RYR2: variants seen among roughly 807,000 people sequenced by gnomAD.
RYR2 encodes the protein cardiac muscle ryanodine receptor-calcium release channel.
A neutral mutation model predicts 601.1 loss-of-function variants in RYR2; 227 were observed. The ratio of observed to expected loss-of-function variants is 0.38; its 90% confidence interval spans 0.34 to 0.42. The LOEUF (loss-of-function observed/expected upper bound fraction) is 0.42. Ranked by LOEUF, RYR2 falls within the 10% of genes least tolerant of loss-of-function variation. The pLI is 1.00. For missense variants in RYR2, 4,646 were observed against 6,156.5 expected (o/e 0.75, Z 8.21); for synonymous variants, 2,223 against 2,175.1 (o/e 1.02, Z -0.61).
intron 14 of RYR2, among the ~76,000 whole-genome samples, chr1:237,446,344 A>C (rs12035799): frequency 7.6e-4 from 116 of 152,134 alleles, no homozygotes; most frequent in African/African-American, 2.6e-3. Context: ...GATGGGGGAA[A>C]CTTTTTGTTG....
At chr1:237,830,662 C>T (rs2102947997) in intron 103 of RYR2, 32 bp downstream of exon 103, 2 of 1,093,756 alleles carry the variant, frequency 1.8e-6, no homozygotes, top group East Asian at 4.7e-5. Context: ...TCTTCCACCT[C>T]TCCAGTAGAC....
intron 17 of RYR2, among the ~76,000 whole-genome samples, chr1:237,472,847 G>A (rs926116525): frequency 5.3e-5 from 8 of 152,022 alleles, no homozygotes; most frequent in Non-Finnish European, 1.5e-5. Flanking sequence ...TTAGAGGAAA[G>A]AAAAAGAGTA....
intron 80 of RYR2, among the ~76,000 whole-genome samples, chr1:237,742,882 A>G (rs771340885): frequency 9.6e-4 from 146 of 152,220 alleles, no homozygotes; most frequent in Middle Eastern, 6.8e-3. Context: ...GTTTACAACT[A>G]TTTTCTCAAA....
intron 10 of RYR2, among the ~76,000 whole-genome samples, chr1:237,416,759 C>CAGAGAGAGAGAGAGAGAGAGAGAGAG (rs5781955): frequency 7.3e-4 from 101 of 138,986 alleles, no homozygotes; most frequent in African/African-American, 2.7e-3. Flanking sequence ...AACACACACA[C>CAGAGAGAGAGAGAGAGAGAGAGAGAG]ACACAGAGAG....
chr1:237,749,411 C>A (rs1378938477), intron 80 of RYR2, among the ~76,000 whole-genome samples: 1 of 150,728 alleles, frequency 6.6e-6, no homozygotes, highest in Non-Finnish European at 1.5e-5. Flanking sequence ...TTGACTATCA[C>A]ATAACCATCT....
chr1:237,791,824 A>G (rs1658406838), intron 93 of RYR2: 1 of 570,948 alleles, frequency 1.8e-6, no homozygotes, highest in South Asian at 2.3e-5. Flanking sequence ...ATTATATTAC[A>G]TTCTTTTGTA....
intron 1 of RYR2, among the ~76,000 whole-genome samples, chr1:237,224,598 C>A (rs1684157666): frequency 6.6e-6 from 1 of 152,060 alleles, no homozygotes; most frequent in Non-Finnish European, 1.5e-5. Flanking sequence ...TGGCTCATAC[C>A]TATAATCTCA....
intron 16 of RYR2, among the ~76,000 whole-genome samples, chr1:237,464,170 C>T (rs1453739885): frequency 3.3e-5 from 5 of 152,126 alleles, no homozygotes; most frequent in Admixed American, 1.3e-4. Context: ...AAGATTTGCT[C>T]ATCTTGCTCC....
intron 102 of RYR2, 29 bp downstream of exon 102, chr1:237,828,474 CT>C: frequency 6.8e-7 from 1 of 1,467,656 alleles, no homozygotes; most frequent in Non-Finnish European, 9.3e-7. Flanking sequence ...GACTCAGCTT[CT>C]TTGTTGTCCT....
chr1:237,584,856 A>G (rs958800141), intron 29 of RYR2, among the ~76,000 whole-genome samples: 1 of 151,854 alleles, frequency 6.6e-6, no homozygotes, highest in African/African-American at 2.4e-5. Flanking sequence ...AGCTCTTTGA[A>G]AAACAAAGCT....
At chr1:237,159,095 C>G (rs1675715201) in intron 1 of RYR2, among the ~76,000 whole-genome samples, 1 of 152,122 alleles carries the variant, frequency 6.6e-6, no homozygotes, top group Non-Finnish European at 1.5e-5. Flanking sequence ...GAGTTGGAGA[C>G]TAGCCTGACC....
At chr1:237,290,709 A>T (rs972240538) in intron 2 of RYR2, among the ~76,000 whole-genome samples, 11 of 152,214 alleles carry the variant, frequency 7.2e-5, no homozygotes, top group Non-Finnish European at 1.2e-4. Flanking sequence ...CAAACCTCAG[A>T]TTGGGAGAAG....
intron 24 of RYR2, among the ~76,000 whole-genome samples, chr1:237,523,155 G>A (rs1480529967): frequency 5.3e-5 from 8 of 152,016 alleles, no homozygotes; most frequent in Admixed American, 2.6e-4. Flanking sequence ...AAACCTCCTA[G>A]GATTGGGCAA....
rs78712240 is a variant in RYR2, at chr1:237,642,198, G to T, written c.7222-1129G>T. ...ATCTATATTTCTTTTGGTTTTGGTT[G>T]GGTTTTTTGTGTGGTTTAGGTTTTT... On this transcript the variant is annotated intron_variant, in intron 47 of 104. Coordinates refer to ENST00000366574, the MANE Select transcript of RYR2 (RefSeq NM_001035.3). 3.9e-3 allele frequency among the ~76,000 whole-genome samples: 596 copies of T among 152,246 alleles called. 1 individual carries two copies. The highest frequency in any genetic ancestry group is 0.022 in the East Asian group (115 of 5,168).
chr1:237,298,836 C>A (rs560641513), intron 2 of RYR2, among the ~76,000 whole-genome samples: 1 of 151,906 alleles, frequency 6.6e-6, no homozygotes, highest in Non-Finnish European at 1.5e-5. Context: ...CCCGTTTCTA[C>A]AAAAAATTAG....
intron 8 of RYR2, among the ~76,000 whole-genome samples, chr1:237,379,373 A>C (rs1701271612): frequency 6.6e-6 from 1 of 152,222 alleles, no homozygotes; most frequent in South Asian, 2.1e-4. Context: ...TGAGAAAGTC[A>C]TCTAATTCTC....
At chr1:237,617,175 T>A in intron 37 of RYR2, 111 bp from the exon 38 acceptor site, 1 of 1,003,902 alleles carries the variant, frequency 1.0e-6, no homozygotes, top group Non-Finnish European at 1.4e-6. Context: ...AGGATTCTGT[T>A]TCTAAGAGAG....
intron 5 of RYR2, among the ~76,000 whole-genome samples, chr1:237,368,002 G>C (rs551636565): frequency 2.0e-5 from 3 of 152,266 alleles, no homozygotes; most frequent in African/African-American, 7.2e-5. Context: ...CTTGTGTAGA[G>C]TGTAAGGCCA....
intron 76 of RYR2, among the ~76,000 whole-genome samples, chr1:237,727,724 A>T (rs1016834939): frequency 1.3e-5 from 2 of 152,120 alleles, no homozygotes; most frequent in Non-Finnish European, 2.9e-5. Context: ...TATTTTTGTA[A>T]TTATTAGCAT....
Sources: allele counts gnomAD v4.1 joint callset (sites outside exome capture counted in the v4.1 genomes callset), GRCh38; gene constraint gnomAD v4.1.1; transcripts MANE v1.5; gene names NCBI Gene and HGNC (gene_info 2026-07-23, HGNC 2026-07-21).